The following PLD5 variants were observed in gnomAD, a reference collection of about 807,000 sequenced individuals.
PLD5 encodes inactive phospholipase D5.
In PLD5, 36 loss-of-function variants were observed where a neutral mutation model predicts 61.1. That is an observed-to-expected ratio of 0.59 (90% CI 0.45 to 0.78). The LOEUF is 0.78. Among genes scored for constraint, PLD5 ranks in the 30% least tolerant of loss-of-function variants. PLD5 has a pLI of 0.00. For missense variants in PLD5, 515 were observed against 644.4 expected, an observed-to-expected ratio of 0.80 and a Z score of 2.17; for synonymous variants, 243 against 242.8, an observed-to-expected ratio of 1.00 and a Z score of -0.01.
chr1:242,131,538 A>C (rs1663251213), intron 5 of PLD5, among the ~76,000 whole-genome samples: 1 of 152,210 alleles, frequency 6.6e-6, no homozygotes, highest in Non-Finnish European at 1.5e-5. Context: ...GTCTACATGC[A>C]TTTAAACCTC....
At chr1:242,439,354 T>C (rs765326525) in intron 1 of PLD5, among the ~76,000 whole-genome samples, 5 of 152,120 alleles carry the variant, frequency 3.3e-5, no homozygotes, top group African/African-American at 7.2e-5. Context: ...ATTCAGGGTT[T>C]CCCATTCATC....
intron 5 of PLD5, among the ~76,000 whole-genome samples, chr1:242,136,018 G>C (rs975332695): frequency 2.0e-5 from 3 of 152,186 alleles, no homozygotes; most frequent in Non-Finnish European, 4.4e-5. Flanking sequence ...GGGAGGGCGA[G>C]GGAGGAAAGA....
chr1:242,232,883 G>A (rs544185687), intron 4 of PLD5, among the ~76,000 whole-genome samples: 55 of 151,776 alleles, frequency 3.6e-4, no homozygotes, highest in African/African-American at 1.3e-3. Flanking sequence ...GGCTGGGTGC[G>A]GTGGCTCACA....
intron 1 of PLD5, among the ~76,000 whole-genome samples, chr1:242,437,009 A>T (rs1288562291): frequency 6.6e-6 from 1 of 152,202 alleles, no homozygotes; most frequent in Non-Finnish European, 1.5e-5. Context: ...GTATCAGGGC[A>T]CCAAACCAGG....
At chr1:242,316,262 G>A (rs1022356878) in intron 2 of PLD5, among the ~76,000 whole-genome samples, 31 of 152,172 alleles carry the variant, frequency 2.0e-4, no homozygotes, top group African/African-American at 7.5e-4. Flanking sequence ...CATTTTGGGG[G>A]CAGCAAATTT....
intron 1 of PLD5, among the ~76,000 whole-genome samples, chr1:242,410,875 A>C (rs1664510511): frequency 6.6e-6 from 1 of 152,110 alleles, no homozygotes; most frequent in African/African-American, 2.4e-5. Flanking sequence ...ACCCACAGAC[A>C]GAGAATGGAA....
At position 242,519,167 on chromosome 1, in the gene PLD5, G is replaced by A. The variant is rs1235416664; in HGVS notation, c.189+4921C>T. Among the ~76,000 whole-genome samples the A allele has an allele frequency of 3.3e-5, 5 of 152,122 alleles. No homozygotes were observed. The East Asian group carries it at 5.8e-4, about 18-fold the overall frequency. On this transcript the variant is annotated intron_variant, in intron 1 of 9. Coordinates refer to ENST00000536534, the MANE Select transcript of PLD5 (RefSeq NM_001372062.1). ...CTTAGGTTGAACTCTGTCTTCTGGC[G>A]CTTAACGGATCCACCCTGTGGGGTA...
intron 1 of PLD5, among the ~76,000 whole-genome samples, chr1:242,405,366 C>T (rs185275992): frequency 1.3e-5 from 2 of 152,194 alleles, no homozygotes; most frequent in East Asian, 1.9e-4. Flanking sequence ...TCGGAGGTAG[C>T]GGCTAGCATT....
At chr1:242,465,652 G>C (rs1667251897) in intron 1 of PLD5, among the ~76,000 whole-genome samples, 1 of 152,146 alleles carries the variant, frequency 6.6e-6, no homozygotes, top group African/African-American at 2.4e-5. Context: ...GGCACGGCCG[G>C]GCACAGTGGC....
intron 1 of PLD5, among the ~76,000 whole-genome samples, chr1:242,387,530 A>G (rs1443236387): frequency 6.6e-6 from 1 of 152,058 alleles, no homozygotes; most frequent in East Asian, 1.9e-4. Context: ...AAGGGTTTCA[A>G]ATGTTCTAGA....
intron 5 of PLD5, among the ~76,000 whole-genome samples, chr1:242,153,279 A>T (rs936812375): frequency 6.6e-6 from 1 of 151,610 alleles, no homozygotes; most frequent in Non-Finnish European, 1.5e-5. Flanking sequence ...GATTGCAAAA[A>T]TTTTCTCCCA....
Position 242,122,546 on chromosome 1 carries a change from C to T in PLD5, c.933+1922G>A, listed in dbSNP as rs114716487. 8.2e-3 allele frequency among the ~76,000 whole-genome samples: 1,247 copies of T among 152,256 alleles called. 15 individuals carry two copies. Among genetic ancestry groups the T allele is most frequent in the African/African-American group, 0.028 (1,178 of 41,542 alleles). On this transcript the variant is annotated intron_variant, in intron 6 of 9. Coordinates refer to ENST00000536534, the MANE Select transcript of PLD5 (RefSeq NM_001372062.1). Reference sequence around the variant, plus strand: ...GGCAAATTTTCTATTGCTGCTCATCCACAAATTAGGAATACTCCTTGGCCT... The same window carrying T: ...GGCAAATTTTCTATTGCTGCTCATCTACAAATTAGGAATACTCCTTGGCCT...
At chr1:242,439,133 A>C (rs1404157081) in intron 1 of PLD5, among the ~76,000 whole-genome samples, 1 of 152,228 alleles carries the variant, frequency 6.6e-6, no homozygotes, top group Non-Finnish European at 1.5e-5. Context: ...TGACAAAATT[A>C]AGGTACCTCA....
chr1:242,135,787 T>C (rs1385241904), intron 5 of PLD5, among the ~76,000 whole-genome samples: 1 of 152,180 alleles, frequency 6.6e-6, no homozygotes, highest in African/African-American at 2.4e-5. Flanking sequence ...CTCCCAGGGT[T>C]TCTACTTTGC....
chr1:242,249,191 G>C (rs1672566246), intron 4 of PLD5, among the ~76,000 whole-genome samples: 1 of 152,144 alleles, frequency 6.6e-6, no homozygotes, highest in African/African-American at 2.4e-5. Context: ...CCTTTAAGAG[G>C]TATTTAAACC....
At chr1:242,382,394 A>T (rs1662348646) in intron 1 of PLD5, among the ~76,000 whole-genome samples, 1 of 152,124 alleles carries the variant, frequency 6.6e-6, no homozygotes, top group Admixed American at 6.6e-5. Flanking sequence ...TGTGTCAGAG[A>T]GTGGTAGGTC....
chr1:242,265,301 C>A (rs767588308), intron 4 of PLD5, 36 bp downstream of exon 4: 4 of 1,586,586 alleles, frequency 2.5e-6, no homozygotes, highest in Non-Finnish European at 3.4e-6. Context: ...TAACAGAACA[C>A]CCAGCGGTAG....
intron 2 of PLD5, among the ~76,000 whole-genome samples, chr1:242,304,425 TATCTTTTCACAGTCTGA>T (rs1301828484): frequency 6.6e-5 from 10 of 152,240 alleles, no homozygotes; most frequent in African/African-American, 2.4e-4. Flanking sequence ...TTTCTAAATG[TATCTTTTCACAGTCTGA>T]ATATGGCTTA....
chr1:242,435,215 T>C (rs904759372), intron 1 of PLD5, among the ~76,000 whole-genome samples: 6 of 139,820 alleles, frequency 4.3e-5, no homozygotes, highest in African/African-American at 9.1e-5. Context: ...TACCCTAAAA[T>C]TGATACTCAC....
Sources: allele counts gnomAD v4.1 joint callset (sites outside exome capture counted in the v4.1 genomes callset), GRCh38; gene constraint gnomAD v4.1.1; transcripts MANE v1.5; gene names NCBI Gene and HGNC (gene_info 2026-07-23, HGNC 2026-07-21).